The following BDNF variants were observed in gnomAD, a reference collection of about 807,000 sequenced individuals.
The protein encoded by BDNF is neurotrophic factor BDNF precursor form.
BDNF carries 1 observed loss-of-function variant against 19.5 expected under a neutral mutation model. The observed-to-expected ratio is 0.05, with a 90% CI of 0.02 to 0.24. The LOEUF (loss-of-function observed/expected upper bound fraction) is 0.24. Ranked by LOEUF, BDNF falls within the 10% of genes least tolerant of loss-of-function variation. BDNF has a pLI of 1.00. For missense variants in BDNF, 195 were observed against 317.6 expected (o/e 0.61, Z 2.93); for synonymous variants, 100 against 121.6 (o/e 0.82, Z 1.17).
At chr11:27,720,431 G>C (rs957111036) in intron 1 of BDNF, 57 of 985,648 alleles carry the variant, frequency 5.8e-5, no homozygotes, top group Non-Finnish European at 6.9e-5. Flanking sequence ...ATACCAACCC[G>C]GAGCTTGCCA....
At chr11:27,669,109 G>A (rs960697695) in intron 1 of BDNF, among the ~76,000 whole-genome samples, 1 of 152,100 alleles carries the variant, frequency 6.6e-6, no homozygotes, top group African/African-American at 2.4e-5. Context: ...TTCAACATAT[G>A]CAAATCAATA....
intron 1 of BDNF, among the ~76,000 whole-genome samples, chr11:27,708,210 C>T (rs1161003476): frequency 1.3e-5 from 2 of 152,130 alleles, no homozygotes; most frequent in Non-Finnish European, 2.9e-5. Flanking sequence ...CATTGTTTGT[C>T]CCTTTATGTT....
chr11:27,706,136 G>A (rs1159740169), intron 1 of BDNF, among the ~76,000 whole-genome samples: 1 of 152,140 alleles, frequency 6.6e-6, no homozygotes, highest in East Asian at 1.9e-4. Flanking sequence ...GGCCCACCAC[G>A]GTTAATCAGT....
intron 1 of BDNF, among the ~76,000 whole-genome samples, chr11:27,718,012 A>G (rs1860581010): frequency 6.6e-6 from 1 of 152,152 alleles, no homozygotes; most frequent in Admixed American, 6.6e-5. Context: ...TTCTCGATTC[A>G]ACTGTCAACT....
intron 1 of BDNF, among the ~76,000 whole-genome samples, chr11:27,687,301 A>G (rs2133996124): frequency 6.6e-6 from 1 of 152,204 alleles, no homozygotes; most frequent in South Asian, 2.1e-4. Context: ...CTAGTTAGCA[A>G]TTCCTCCAAC....
chr11:27,671,801 A>G (rs1855428036), intron 1 of BDNF, among the ~76,000 whole-genome samples: 2 of 152,080 alleles, frequency 1.3e-5, no homozygotes, highest in Non-Finnish European at 1.5e-5. Context: ...CCCCACCCTC[A>G]TTCCACCTAC....
intron 1 of BDNF, among the ~76,000 whole-genome samples, chr11:27,715,510 A>G (rs1420919664): frequency 2.0e-5 from 3 of 152,208 alleles, no homozygotes; most frequent in Non-Finnish European, 2.9e-5. Flanking sequence ...TGAGTGTCTA[A>G]CTGTGGGAGA....
chr11:27,706,422 G>A lies in BDNF; in HGVS notation c.3+14990C>T, dbSNP rs1860113419. 3.9e-5 allele frequency among the ~76,000 whole-genome samples: 6 copies of A among 152,130 alleles called. No individual in the cohort carries two copies. In the South Asian group the frequency reaches 1.0e-3, roughly 26 times the overall value. ...AATCCAGCAATGCTGGTGCTTGGAAGTCCTCACTTGTAATGCATTTTTGTT... is the reference window on the plus strand; with the variant it reads ...AATCCAGCAATGCTGGTGCTTGGAAATCCTCACTTGTAATGCATTTTTGTT... On this transcript the variant is annotated intron_variant, in intron 1 of 1. Coordinates refer to the BDNF transcript ENST00000314915.
At position 27,672,339 on chromosome 11, in the gene BDNF, C is replaced by T. The variant is rs143616838; in HGVS notation, c.-21-13754G>A. On this transcript the variant is annotated intron_variant, in intron 1 of 1. Transcript: ENST00000356660. ...CATAGCCTAATATCACTCACTCAAT[C>T]AGAATCATACTGGAAACGATATGAC... 3.7e-4 allele frequency among the ~76,000 whole-genome samples: 56 copies of T among 152,306 alleles called. No homozygotes were observed. In the East Asian group the frequency reaches 5.6e-3, roughly 15 times the overall value.
At chr11:27,674,153 C>G in intron 1 of BDNF, 1 of 1,611,374 alleles carries the variant, frequency 6.2e-7, no homozygotes, top group Non-Finnish European at 8.5e-7. Flanking sequence ...CACAGTCATG[C>G]CATACAGAAG....
chr11:27,716,913 T>C (rs1430191018), intron 1 of BDNF, among the ~76,000 whole-genome samples: 2 of 152,298 alleles, frequency 1.3e-5, no homozygotes, highest in East Asian at 3.9e-4. Flanking sequence ...TAAAAACCCT[T>C]TGTAAGTCAT....
intron 1 of BDNF, among the ~76,000 whole-genome samples, chr11:27,680,677 T>G (rs768371399): frequency 6.6e-6 from 1 of 152,210 alleles, no homozygotes; most frequent in Non-Finnish European, 1.5e-5. Context: ...AGAAATATTC[T>G]TGCTTTTAAA....
intron 1 of BDNF, chr11:27,721,295 G>C: frequency 8.3e-7 from 1 of 1,201,866 alleles, no homozygotes; most frequent in South Asian, 1.2e-5. Context: ...CGATTCCCCT[G>C]GCCTGAGTAG....
rs559058702 is a variant in BDNF at position 27,669,993 on chromosome 11, A to C, written c.-21-11408T>G. 3.5e-4 allele frequency among the ~76,000 whole-genome samples: 54 copies of C among 152,334 alleles called. 1 individual carries two copies. In the South Asian group the frequency reaches 0.01, roughly 29 times the overall value. On this transcript the variant is annotated intron_variant, in intron 1 of 1. Coordinates refer to ENST00000356660, the MANE Select transcript of BDNF (RefSeq NM_001709.5). ...AGAACAAAGCTGGAGGCATCACGCT[A>C]CCTGACTTCAAACTATATTACAAGG... is the stretch of plus-strand genomic sequence containing the variant.
Position 27,658,931 on chromosome 11 carries a change from C to A in BDNF, c.-21-346G>T. 8.8e-7 allele frequency: 1 copy of A among 1,141,830 alleles called. No individual in the cohort carries two copies. 70.7% of individuals were successfully genotyped at this position (1,141,830 alleles called of 1,614,324 possible). On this transcript the variant is annotated intron_variant, in intron 1 of 1. Transcript: ENST00000356660. The surrounding 1 kb of genome is among the most constrained non-coding windows in gnomAD (Gnocchi z 5.7). ...TTTTAATGATCTCTGCTCATGCTGT[C>A]ACGAGAAACACAAAATCATAAATGT...
intron 1 of BDNF, among the ~76,000 whole-genome samples, chr11:27,663,081 C>T (rs1435772576): frequency 6.6e-6 from 1 of 152,150 alleles, no homozygotes; most frequent in East Asian, 1.9e-4. Flanking sequence ...AGCCTTTTAA[C>T]TTCTTGTTTC....
At chr11:27,659,852 A>G (rs934912898) in intron 1 of BDNF, among the ~76,000 whole-genome samples, 1 of 152,182 alleles carries the variant, frequency 6.6e-6, no homozygotes, top group East Asian at 1.9e-4. Context: ...TACATCTACA[A>G]GCATGCTCTA....
At chr11:27,674,252 G>C (rs1564961314) in intron 1 of BDNF, 2 of 1,580,280 alleles carry the variant, frequency 1.3e-6, no homozygotes, top group East Asian at 4.6e-5. Context: ...TTAACCTTGT[G>C]CACTCATGGA....
rs188249509 is a variant in BDNF, at chr11:27,711,937, G to A, written c.3+9475C>T. Among the ~76,000 whole-genome samples, 345 of 152,248 alleles carry A rather than the reference G, an allele frequency of 2.3e-3. 2 individuals carry two copies. The highest frequency in any genetic ancestry group is 3.7e-3 in the South Asian group (18 of 4,822). ...ATCTGAACTTTTTATCTTTTTCAAT[G>A]GAGTGATGGATTGCTAGGGTAATGG... On this transcript the variant is annotated intron_variant, in intron 1 of 1. Transcript: ENST00000314915.
Sources: allele counts gnomAD v4.1 joint callset (sites outside exome capture counted in the v4.1 genomes callset), GRCh38; gene constraint gnomAD v4.1.1; non-coding constraint Gnocchi (gnomAD v3.1); transcripts MANE v1.5; gene names NCBI Gene and HGNC (gene_info 2026-07-23, HGNC 2026-07-21).